KCNIP4: variants seen among roughly 807,000 people sequenced by gnomAD.
KCNIP4 encodes potassium voltage-gated channel interacting protein 4.
Under a neutral mutation model 34.0 loss-of-function variants are expected in KCNIP4, and 12 were observed. The observed-to-expected ratio is 0.35, with a 90% CI of 0.23 to 0.57. The LOEUF (loss-of-function observed/expected upper bound fraction) is 0.57. Ranked by LOEUF, KCNIP4 falls within the 20% of genes least tolerant of loss-of-function variation. KCNIP4 has a pLI of 0.83. For synonymous variants in KCNIP4, 124 were observed against 102.2 expected (o/e 1.21, Z -1.29); for missense variants, 238 against 311.7 (o/e 0.76, Z 1.78).
At chr4:20,812,217 T>C (rs879782099) in intron 3 of KCNIP4, among the ~76,000 whole-genome samples, 7 of 152,168 alleles carry the variant, frequency 4.6e-5, no homozygotes, top group Non-Finnish European at 7.3e-5. Flanking sequence ...TTGTTCTTTA[T>C]AGGGGAGATT....
intron 1 of KCNIP4, among the ~76,000 whole-genome samples, chr4:21,514,643 A>G (rs756578162): frequency 2.2e-4 from 34 of 152,170 alleles, no homozygotes; most frequent in Non-Finnish European, 3.7e-4. Flanking sequence ...GTTACAGAAG[A>G]AACAAGATAA....
intron 1 of KCNIP4, among the ~76,000 whole-genome samples, chr4:21,052,990 C>T (rs73101743): frequency 6.6e-6 from 1 of 151,164 alleles, no homozygotes; most frequent in Admixed American, 6.6e-5. Flanking sequence ...AGAGATCAAT[C>T]TGAGAGAGAA....
chr4:20,847,204 T>C (rs896868090), intron 3 of KCNIP4, among the ~76,000 whole-genome samples: 4 of 152,160 alleles, frequency 2.6e-5, no homozygotes, highest in African/African-American at 9.6e-5. Flanking sequence ...AAGTGCAATC[T>C]AGTTATCATT....
intron 1 of KCNIP4, among the ~76,000 whole-genome samples, chr4:21,766,249 A>T (rs910273314): frequency 6.6e-6 from 1 of 152,174 alleles, no homozygotes; most frequent in East Asian, 1.9e-4. Flanking sequence ...ATTTTCCATA[A>T]GAAGGTAGCA....
intron 1 of KCNIP4, among the ~76,000 whole-genome samples, chr4:21,541,552 T>C (rs928474015): frequency 6.6e-6 from 1 of 152,152 alleles, no homozygotes; most frequent in African/African-American, 2.4e-5. Context: ...AAGCTTAGGC[T>C]TCAGACCCCT....
At chr4:20,850,726 A>C in intron 2 of KCNIP4, 59 bp from the exon 3 acceptor site, 3 of 1,560,240 alleles carry the variant, frequency 1.9e-6, no homozygotes, top group Non-Finnish European at 2.6e-6. Context: ...ATGCTTACAC[A>C]GAGCAACAAA....
At chr4:21,054,177 G>C (rs974534041) in intron 1 of KCNIP4, among the ~76,000 whole-genome samples, 1 of 152,070 alleles carries the variant, frequency 6.6e-6, no homozygotes, top group Non-Finnish European at 1.5e-5. Flanking sequence ...GAAGAACAAA[G>C]TTAGAGAACT....
At chr4:21,940,288 G>C (rs934683767) in intron 1 of KCNIP4, among the ~76,000 whole-genome samples, 1 of 152,092 alleles carries the variant, frequency 6.6e-6, no homozygotes, top group Non-Finnish European at 1.5e-5. Flanking sequence ...TCTTCTCATA[G>C]CTTTATTCTA....
chr4:20,998,582 GGT>G (rs1333063000), intron 1 of KCNIP4, among the ~76,000 whole-genome samples: 1 of 152,168 alleles, frequency 6.6e-6, no homozygotes, highest in Non-Finnish European at 1.5e-5. Flanking sequence ...GTAGATCTGA[GGT>G]CCATTGGTCT....
intron 1 of KCNIP4, among the ~76,000 whole-genome samples, chr4:21,606,555 A>C (rs929578336): frequency 6.6e-6 from 1 of 151,660 alleles, no homozygotes; most frequent in Non-Finnish European, 1.5e-5. Flanking sequence ...TCTAGGGAGG[A>C]GTTAGTTTCT....
chr4:21,411,639 A>T (rs976697740), intron 1 of KCNIP4, among the ~76,000 whole-genome samples: 2 of 152,044 alleles, frequency 1.3e-5, no homozygotes, highest in African/African-American at 2.4e-5. Context: ...ACATGGCAAA[A>T]CTCCATCTGT....
At chr4:21,172,347 A>C (rs1050044331) in intron 1 of KCNIP4, among the ~76,000 whole-genome samples, 3 of 152,124 alleles carry the variant, frequency 2.0e-5, no homozygotes, top group African/African-American at 7.2e-5. Flanking sequence ...TGAATGTTTT[A>C]ACTGAATTAA....
intron 1 of KCNIP4, among the ~76,000 whole-genome samples, chr4:21,116,457 A>G (rs1301348417): frequency 6.6e-6 from 1 of 152,120 alleles, no homozygotes; most frequent in Non-Finnish European, 1.5e-5. Flanking sequence ...GAGTGACTAC[A>G]ACTTCCTGTC....
chr4:21,089,522 A>T (rs1479181593), intron 1 of KCNIP4, among the ~76,000 whole-genome samples: 4 of 152,240 alleles, frequency 2.6e-5, no homozygotes. Flanking sequence ...ATCAATGGTA[A>T]CGTGTCATTA....
At chr4:21,336,529 T>C (rs79369431) in intron 1 of KCNIP4, among the ~76,000 whole-genome samples, 2,308 of 152,266 alleles carry the variant, frequency 0.015, 62 homozygotes, top group African/African-American at 0.053. Context: ...TGTTAGACAT[T>C]TTAATTTTCC....
chr4:20,822,123 C>G (rs112813464), intron 3 of KCNIP4, among the ~76,000 whole-genome samples: 8,607 of 152,076 alleles, frequency 0.057, 459 homozygotes, highest in East Asian at 0.21. Flanking sequence ...GCAAAGTAAA[C>G]AGAAAACCCA....
At chr4:21,892,040 G>A (rs752039981) in intron 1 of KCNIP4, among the ~76,000 whole-genome samples, 6 of 152,048 alleles carry the variant, frequency 3.9e-5, no homozygotes, top group South Asian at 2.1e-4. Context: ...TGGATTTACC[G>A]AGGTACATCC....
chr4:21,516,055 A>T (rs1265698888), intron 1 of KCNIP4, among the ~76,000 whole-genome samples: 1 of 152,340 alleles, frequency 6.6e-6, no homozygotes, highest in East Asian at 1.9e-4. Flanking sequence ...TTATTGTTCA[A>T]TGACAGAATA....
intron 1 of KCNIP4, among the ~76,000 whole-genome samples, chr4:21,577,945 G>A (rs945052527): frequency 6.6e-6 from 1 of 152,140 alleles, no homozygotes; most frequent in African/African-American, 2.4e-5. Context: ...ATATTCTGGA[G>A]AATTGTTTTA....
Sources: gnomAD v4.1 joint callset for allele counts (sites outside exome capture counted in the v4.1 genomes callset) on GRCh38, gnomAD v4.1.1 for gene constraint, MANE v1.5 for transcripts, NCBI Gene and HGNC (gene_info 2026-07-23, HGNC 2026-07-21) for gene names.